HCFC1: variants seen among roughly 807,000 people sequenced by gnomAD.
The protein encoded by HCFC1 is host cell factor 1.
HCFC1 carries 7 observed loss-of-function variants against 105.5 expected under a neutral mutation model. The ratio of observed to expected loss-of-function variants is 0.07; its 90% CI spans 0.04 to 0.12. The LOEUF is 0.12. HCFC1 is among the 10% of genes least tolerant of loss of function. The probability of loss-of-function intolerance (pLI) is 1.00; values close to 1 mark genes in which losing one functional copy is unlikely to be tolerated. For missense variants in HCFC1, 1,065 were observed against 1,823.6 expected (o/e 0.58, Z 7.58); for synonymous variants, 918 against 828.1 (o/e 1.11, Z -1.86).
rs1330892322 is a variant in HCFC1, at chrX:153,947,935, A to T, written c.*1412T>A. 1 of 110,044 alleles carries T rather than the reference A, an allele frequency of 9.1e-6. No homozygotes were observed. Among genetic ancestry groups the T allele is most frequent in the African/African-American group, 3.3e-5 (1 of 30,157 alleles). 9.1% of individuals were successfully genotyped at this position (110,044 alleles called of 1,213,427 possible). On this transcript the variant is annotated 3_prime_UTR_variant, in exon 26 of 26. Coordinates refer to ENST00000310441, the MANE Select transcript of HCFC1 (RefSeq NM_005334.3). ...AGAAGTTTGGGGTGGGGGGCAGAAAACTCCAAGCAGATCCCCCAGCCTCGG... is the reference window on the plus strand; with the variant it reads ...AGAAGTTTGGGGTGGGGGGCAGAAATCTCCAAGCAGATCCCCCAGCCTCGG...
chrX:153,956,018 G>A (rs782817597), intron 16 of HCFC1, among the ~76,000 whole-genome samples, 173 bp downstream of exon 16: 2 of 113,310 alleles, frequency 1.8e-5, no homozygotes. Context: ...CTATGACACA[G>A]GGACCATGTG....
rs782244636 is a variant in HCFC1, at chrX:153,957,020, G to A, written c.2394C>T (p.Ile798=). The part of the protein sequence containing the change: ...SSPGIKSPIT[I]ITTKVMTSGT... ...CTGAAGTCATCACCTTGGTGGTGAT[G>A]ATGGTGATGGGGGACTTGATGCCAG... Residue 798 remains isoleucine (I), a synonymous_variant, in exon 14 of 26, where the codon ATC becomes ATT. Transcript: ENST00000310441. 3.5e-5 allele frequency: 42 copies of A among 1,208,252 alleles called. No homozygotes were observed. The highest frequency in any genetic ancestry group is 4.5e-5 in the Non-Finnish European group (40 of 894,446).
At position 153,970,703 on chromosome X, in the gene HCFC1, C is replaced by G. The variant is rs782634164; in HGVS notation, c.138G>C (p.Val46=). The G allele has an allele frequency of 8.3e-7, 1 of 1,210,246 alleles. No individual in the cohort carries two copies. Among genetic ancestry groups the G allele is most frequent in the Admixed American group, 2.2e-5 (1 of 45,891 alleles). ...HRAVAIKELI[V]VFGGGNEGIV... ...TTCCCTCGTTGCCGCCGCCAAACAC[C>G]ACGATGAGCTCCTTGATGGCCACGG... is the stretch of plus-strand genomic sequence containing the variant. Residue 46 remains valine, a synonymous_variant, in exon 1 of 26, where the codon GTG becomes GTC. Transcript: ENST00000310441.
Position 153,958,584 on chromosome X carries a change from G to A in HCFC1, c.1788C>T (p.Ala596=), listed in dbSNP as rs1557115819. The A allele has an allele frequency of 1.7e-6, 2 of 1,200,625 alleles. No individual in the cohort carries two copies. The highest frequency in any genetic ancestry group is 3.0e-5 in the East Asian group (1 of 33,586). The change falls in exon 10 of 26, where the codon GCC becomes GCT. Residue 596 remains alanine (A), a synonymous_variant. Coordinates refer to ENST00000310441, the MANE Select transcript of HCFC1 (RefSeq NM_005334.3). ...TTTLPATVKV[A]SSPVMVSNPA... is the part of the protein sequence containing the mutation. ...AGACGCTCACCATGACTGGCGAGGAGGCCACCTTCACAGTGGCTGGGAGGG... is the reference window on the plus strand; with the variant it reads ...AGACGCTCACCATGACTGGCGAGGAAGCCACCTTCACAGTGGCTGGGAGGG...
At position 153,960,251 on chromosome X, in the gene HCFC1, G is replaced by A. The variant is rs1557116436; in HGVS notation, c.1068C>T (p.Leu356=). The A allele has an allele frequency of 8.4e-7, 1 of 1,194,047 alleles. No individual in the cohort carries two copies. The highest frequency in any genetic ancestry group is 3.0e-5 in the East Asian group (1 of 33,096). ...AWNNQVCCKD[L]WYLETEKPPP... Reference sequence around the variant, plus strand: ...CGGGCCTACCTGTCTCTAGGTACCAGAGGTCCTTGCAGCAGACCTGGTTGT... The same window carrying A: ...CGGGCCTACCTGTCTCTAGGTACCAAAGGTCCTTGCAGCAGACCTGGTTGT... The change falls in exon 7 of 26, where the codon CTC becomes CTT. Residue 356 remains leucine (L), a synonymous_variant. Coordinates refer to ENST00000310441, the MANE Select transcript of HCFC1 (RefSeq NM_005334.3).
At position 153,952,295 on chromosome X, in the gene HCFC1, C is replaced by A. The variant is rs971150128; in HGVS notation, c.4943-137G>T. ...GCTCCACTGTAGGCTAAGCCCTGGCCGAGGGGCCCTGCCTGTTTCCCAGGC... is the reference window on the plus strand; with the variant it reads ...GCTCCACTGTAGGCTAAGCCCTGGCAGAGGGGCCCTGCCTGTTTCCCAGGC... On this transcript the variant is annotated intron_variant, in intron 19 of 25. Coordinates refer to ENST00000310441, the MANE Select transcript of HCFC1 (RefSeq NM_005334.3). The A allele has an allele frequency of 4.9e-6, 5 of 1,026,215 alleles. No homozygotes were observed. In the East Asian group the frequency reaches 1.4e-4, roughly 28 times the overall value. 84.6% of individuals were successfully genotyped at this position (1,026,215 alleles called of 1,213,427 possible).
In HCFC1 at chrX:153,952,164, C is replaced by G. The variant is rs1557112764; in HGVS notation, c.4943-6G>C. The G allele has an allele frequency of 9.1e-7, 1 of 1,102,762 alleles. No homozygotes were observed. Among genetic ancestry groups the G allele is most frequent in the East Asian group, 3.2e-5 (1 of 31,047 alleles). 90.9% of individuals were successfully genotyped at this position (1,102,762 alleles called of 1,213,427 possible). ...GTCCATGGGCTCGCCGGTGCCTGCT[C>G]CAGGGTCGAGAGAAACACTACTTAC... On this transcript the variant is annotated splice_region_variant and splice_polypyrimidine_tract_variant and intron_variant, in intron 19 of 25. Transcript: ENST00000310441.
In HCFC1 at chrX:153,955,254, C is replaced by T. The variant is rs781846695; in HGVS notation, c.3145G>A (p.Val1049Ile). ...GHPQPTQVQF[V>I]CDRQEAAASL... ...GCAGCTGCCTCCTGTCTGTCACAGA[C>T]GAACTGCACTTGGGTGGGCTGGGGG... Residue 1049 changes from valine to isoleucine, a missense_variant, in exon 17 of 26, where the codon GTC becomes ATC. Transcript: ENST00000310441. The T allele has an allele frequency of 2.7e-5, 33 of 1,209,621 alleles. No homozygotes were observed. In the East Asian group the frequency reaches 3.3e-4, roughly 12 times the overall value.
At chrX:153,952,449 G>T in intron 19 of HCFC1, 65 bp downstream of exon 19, 1 of 1,051,301 alleles carries the variant, frequency 9.5e-7, no homozygotes, top group Non-Finnish European at 1.3e-6. Context: ...CTCTTCCCAG[G>T]CTGTCTCCGC....
rs369241538 is a variant in HCFC1, at chrX:153,956,656, G to A, written c.2604C>T (p.Ala868=). Residue 868 remains alanine (A), a synonymous_variant, in exon 15 of 26, where the codon GCC becomes GCT. Coordinates refer to ENST00000310441, the MANE Select transcript of HCFC1 (RefSeq NM_005334.3). ...TGCCTTTCACAACCAACGTGGTGACGGCTGGCTTGACGGCGGAGACGGTGA... is the reference window on the plus strand; with the variant it reads ...TGCCTTTCACAACCAACGTGGTGACAGCTGGCTTGACGGCGGAGACGGTGA... ...TPVTVSAVKP[A]VTTLVVKGTT... 79 of 1,210,424 alleles carry A rather than the reference G, an allele frequency of 6.5e-5. No individual in the cohort carries two copies. In the African/African-American group the frequency reaches 1.0e-3, roughly 15 times the overall value.
Position 153,953,661 on chromosome X carries a change from C to T in HCFC1, c.4443G>A (p.Thr1481=), listed in dbSNP as rs1226469228. The T allele has an allele frequency of 8.3e-6, 10 of 1,210,708 alleles. No homozygotes were observed. Among genetic ancestry groups the T allele is most frequent in the East Asian group, 3.0e-5 (1 of 33,837 alleles). ...AITTTVSSTL[T]RAVTTVTQST... is the part of the protein sequence containing the mutation. ...ACTGCGTCACGGTGGTCACAGCCCGCGTCAGTGTGGAGGACACGGTTGTCG... is the reference window on the plus strand; with the variant it reads ...ACTGCGTCACGGTGGTCACAGCCCGTGTCAGTGTGGAGGACACGGTTGTCG... Residue 1481 remains threonine (T), a synonymous_variant, in exon 18 of 26, where the codon ACG becomes ACA. Transcript: ENST00000310441.
chrX:153,952,010 C>T lies in HCFC1; in HGVS notation c.5091G>A (p.Gln1697=). 1 of 1,198,911 alleles carries T rather than the reference C, an allele frequency of 8.3e-7. No individual in the cohort carries two copies. The highest frequency in any genetic ancestry group is 1.1e-6 in the Non-Finnish European group (1 of 889,483). The change falls in exon 20 of 26, where the codon CAG becomes CAA. Residue 1697 remains glutamine, a synonymous_variant. Transcript: ENST00000310441. The stretch of plus-strand genomic sequence containing the variant: ...GGGCCTGGGCCTCCTGCAGCTGCTG[C>T]TGCTGCACCAGGGCAGCCAGCTCCT... ...TQQELAALVQ[Q]QQLQEAQAQQ... is the part of the protein sequence containing the mutation.
chrX:153,957,253 G>C (rs1267890409), intron 13 of HCFC1, 61 bp downstream of exon 13: 1 of 1,035,274 alleles, frequency 9.7e-7, no homozygotes, highest in African/African-American at 1.9e-5. Flanking sequence ...CTTATAACCC[G>C]GACTCCATTT....
rs1271684137 is a variant in HCFC1, at chrX:153,963,553, T to C, written c.504-120A>G. 6.0e-6 allele frequency: 3 copies of C among 500,035 alleles called. No individual in the cohort carries two copies. In the Admixed American group the frequency reaches 9.8e-5, roughly 16 times the overall value. The allele number at this position is 500,035 out of a possible 1,213,427, so 41.2% of individuals were successfully genotyped here. A position where few individuals can be genotyped will look rare whatever the true frequency, so the allele number is the denominator to read the frequency against. On this transcript the variant is annotated intron_variant, in intron 3 of 25. Coordinates refer to ENST00000310441, the MANE Select transcript of HCFC1 (RefSeq NM_005334.3). ...AAAGGGGCTAGGGCTGTGGGAGCTC[T>C]GAAGTTCTTCTACCCTAGCTCTTGA...
In HCFC1 at chrX:153,951,508, G is replaced by A. The variant is rs113393145; in HGVS notation, c.5380-21C>T. 1,608 of 1,208,848 alleles carry A rather than the reference G, an allele frequency of 1.3e-3. 14 individuals are homozygous for A. The African/African-American group carries it at 0.025, about 19-fold the overall frequency. On this transcript the variant is annotated intron_variant, in intron 21 of 25. Coordinates refer to ENST00000310441, the MANE Select transcript of HCFC1 (RefSeq NM_005334.3). ...GGCTTCTGCAAGACAGAATCGGTGC[G>A]ACGAGATCAGGCCCTCAGCACCTAG...
At chrX:153,951,561 C>T (rs1557112472) in intron 21 of HCFC1, 28 bp downstream of exon 21, 3 of 1,205,847 alleles carry the variant, frequency 2.5e-6, no homozygotes, top group Non-Finnish European at 3.4e-6. Flanking sequence ...AGGCCACGGA[C>T]TCAGGAGCCC....
chrX:153,950,695 G>A, intron 23 of HCFC1, 118 bp downstream of exon 23: 1 of 883,337 alleles, frequency 1.1e-6, no homozygotes, highest in Non-Finnish European at 1.6e-6. Flanking sequence ...CAAGTGGAAG[G>A]ACTAAGACAA....
chrX:153,952,423 C>T, intron 19 of HCFC1, 91 bp downstream of exon 19: 5 of 999,631 alleles, frequency 5.0e-6, no homozygotes, highest in Non-Finnish European at 6.6e-6. Context: ...ATGCCACCCT[C>T]GAGGGAAATG....
At chrX:153,967,171 G>A (rs1214518264) in intron 1 of HCFC1, among the ~76,000 whole-genome samples, 4 of 112,123 alleles carry the variant, frequency 3.6e-5, no homozygotes, top group African/African-American at 1.3e-4. Context: ...CCTTCTCCCA[G>A]CTTTTCAATG....
Sources: gnomAD v4.1 joint callset for allele counts (sites outside exome capture counted in the v4.1 genomes callset) on GRCh38, gnomAD v4.1.1 for gene constraint, MANE v1.5 for transcripts, NCBI Gene and HGNC (gene_info 2026-07-23, HGNC 2026-07-21) for gene names.